The following PTPRQ variants were observed in gnomAD, a reference collection of about 807,000 sequenced individuals.
The protein encoded by PTPRQ is phosphatidylinositol phosphatase PTPRQ.
Under a neutral mutation model 246.0 loss-of-function variants are expected in PTPRQ, and 199 were observed. The observed-to-expected ratio is 0.81, with a 90% CI of 0.72 to 0.91. The LOEUF is 0.91. Ranked by LOEUF, PTPRQ falls within the 40% of genes least tolerant of loss-of-function variation. The probability of loss-of-function intolerance (pLI) is 0.00; values close to 1 mark genes in which losing one functional copy is unlikely to be tolerated. For missense variants in PTPRQ, 2,624 were observed against 2,528.4 expected (o/e 1.04, Z -0.81); for synonymous variants, 869 against 853.2 (o/e 1.02, Z -0.32).
chr12:80,463,360 G>T (rs937902508), intron 6 of PTPRQ, among the ~76,000 whole-genome samples: 39 of 152,190 alleles, frequency 2.6e-4, no homozygotes, highest in African/African-American at 8.4e-4. Context: ...AGAAATACGG[G>T]ACTATGTGAA....
chr12:80,458,750 C>G (rs900582825), intron 4 of PTPRQ, among the ~76,000 whole-genome samples: 1 of 151,780 alleles, frequency 6.6e-6, no homozygotes, highest in African/African-American at 2.4e-5. Flanking sequence ...TATTATTACT[C>G]TATATAATTA....
At chr12:80,526,843 A>C (rs1012840203) in intron 17 of PTPRQ, among the ~76,000 whole-genome samples, 1 of 152,128 alleles carries the variant, frequency 6.6e-6, no homozygotes, top group Non-Finnish European at 1.5e-5. Context: ...TGAGAAATTA[A>C]TGTGGTGATC....
chr12:80,602,101 T>A (rs538934683), intron 26 of PTPRQ, among the ~76,000 whole-genome samples: 2 of 151,746 alleles, frequency 1.3e-5, no homozygotes, highest in African/African-American at 4.8e-5. Context: ...GAGTACGGGG[T>A]GTCAATGTTC....
At chr12:80,447,863 G>A (rs183978561) in intron 3 of PTPRQ, among the ~76,000 whole-genome samples, 2 of 152,114 alleles carry the variant, frequency 1.3e-5, no homozygotes, top group Admixed American at 6.6e-5. Flanking sequence ...TTTTTGCTTA[G>A]GATTGCTTTC....
At chr12:80,499,619 C>T (rs147349280) in intron 14 of PTPRQ, among the ~76,000 whole-genome samples, 178 of 152,014 alleles carry the variant, frequency 1.2e-3, no homozygotes, top group African/African-American at 3.6e-3. Context: ...GATGTGTTAA[C>T]TCAGTGATGT....
Position 80,444,384 on chromosome 12 carries a change from G to A in PTPRQ, c.39G>A (p.Gly13=). The A allele has an allele frequency of 6.8e-7, 1 of 1,474,390 alleles. No homozygotes were observed. Among genetic ancestry groups the A allele is most frequent in the Non-Finnish European group, 9.3e-7 (1 of 1,079,884 alleles). The allele number at this position is 1,474,390 out of a possible 1,614,324, so 91.3% of individuals were successfully genotyped here. ...TCATTTTTCTTTTACTTTTTATTGGGACTTCAGAGACACAGGTATTTCGTA... is the reference window on the plus strand; with the variant it reads ...TCATTTTTCTTTTACTTTTTATTGGAACTTCAGAGACACAGGTATTTCGTA... ...FLIIFLLLFI[G]TSETQVDVSN... Residue 13 remains glycine, a synonymous_variant, in exon 1 of 45, where the codon GGG becomes GGA. Coordinates refer to ENST00000644991, the MANE Select transcript of PTPRQ (RefSeq NM_001145026.2).
At chr12:80,461,042 G>T (rs1357523146) in intron 6 of PTPRQ, 140 bp downstream of exon 6, 2 of 386,616 alleles carry the variant, frequency 5.2e-6, no homozygotes, top group Non-Finnish European at 9.1e-6. Context: ...TCCCATCAAG[G>T]GTTTCTTCGA....
chr12:80,586,104 T>C (rs968116098), intron 25 of PTPRQ, among the ~76,000 whole-genome samples: 3 of 152,000 alleles, frequency 2.0e-5, no homozygotes, highest in African/African-American at 7.3e-5. Context: ...ATGGTGTATA[T>C]GTGCCACATT....
chr12:80,463,899 G>C (rs1893299399), intron 6 of PTPRQ, among the ~76,000 whole-genome samples: 1 of 151,576 alleles, frequency 6.6e-6, no homozygotes, highest in Non-Finnish European at 1.5e-5. Context: ...ACTGGTACCA[G>C]CCGCTGCAAA....
intron 37 of PTPRQ, among the ~76,000 whole-genome samples, chr12:80,651,363 T>C (rs1285557203): frequency 6.6e-6 from 1 of 151,888 alleles, no homozygotes; most frequent in Non-Finnish European, 1.5e-5. Flanking sequence ...TCTGTTTGTA[T>C]ATCAACCAGA....
chr12:80,649,712 C>T (rs746571195), intron 37 of PTPRQ, 43 bp downstream of exon 37: 19 of 1,517,020 alleles, frequency 1.3e-5, no homozygotes, highest in South Asian at 5.2e-5. Flanking sequence ...GACCTCCAGT[C>T]GTTTCATGTG....
At chr12:80,446,269 G>A (rs73143194) in intron 3 of PTPRQ, among the ~76,000 whole-genome samples, 27,779 of 149,866 alleles carry the variant, frequency 0.19, 2,767 homozygotes, top group Middle Eastern at 0.22. Flanking sequence ...GAAAGTCTTC[G>A]TTGAAGGATT....
chr12:80,514,839 A>G (rs945812875), intron 17 of PTPRQ, among the ~76,000 whole-genome samples: 4 of 147,056 alleles, frequency 2.7e-5, no homozygotes, highest in Admixed American at 6.9e-5. Context: ...GCTTTTTCAG[A>G]TAATGGATGA....
chr12:80,616,225 C>A lies in PTPRQ; in HGVS notation c.5189C>A (p.Ala1730Glu), dbSNP rs149643103. The A allele has an allele frequency of 1.0e-5, 15 of 1,489,794 alleles. No homozygotes were observed. The highest frequency in any genetic ancestry group is 1.3e-5 in the Non-Finnish European group (14 of 1,117,446). 92.3% of individuals were successfully genotyped at this position (1,489,794 alleles called of 1,614,324 possible). Residue 1730 changes from alanine (A) to glutamate (E), a missense_variant, in exon 30 of 45, where the codon GCA becomes GAA. Transcript: ENST00000644991. ...GTTTACGCAGTCAATAGTGCTGGTG[C>A]AGGTCCAAAGGTTCCGATGAGAATA... ...ISVYAVNSAG[A>E]GPKVPMRITM...
chr12:80,610,744 C>CA, intron 28 of PTPRQ, 119 bp downstream of exon 28: 1 of 1,251,792 alleles, frequency 8.0e-7, no homozygotes, highest in Non-Finnish European at 1.1e-6. Context: ...AGCATATAAA[C>CA]AAAAAAATTA....
chr12:80,546,830 C>A, intron 24 of PTPRQ, 133 bp downstream of exon 24: 2 of 1,076,566 alleles, frequency 1.9e-6, no homozygotes, highest in Non-Finnish European at 2.6e-6. Flanking sequence ...CAGTGCTTTA[C>A]GTTTAGTCTT....
intron 7 of PTPRQ, 121 bp from the exon 8 acceptor site, chr12:80,471,981 TATA>T: frequency 2.5e-6 from 3 of 1,202,354 alleles, no homozygotes; most frequent in Non-Finnish European, 3.4e-6. Flanking sequence ...GTTTTGATAT[TATA>T]ATAACAAATT....
At chr12:80,575,446 G>A (rs1167719083) in intron 25 of PTPRQ, among the ~76,000 whole-genome samples, 2 of 152,028 alleles carry the variant, frequency 1.3e-5, no homozygotes, top group Non-Finnish European at 1.5e-5. Context: ...AGCCTAGAGT[G>A]GTGGTGTGTG....
At chr12:80,651,461 G>A (rs1900255560) in intron 37 of PTPRQ, among the ~76,000 whole-genome samples, 2 of 152,028 alleles carry the variant, frequency 1.3e-5, no homozygotes, top group South Asian at 4.1e-4. Flanking sequence ...AGGTGTTCCA[G>A]AGACAGGAAA....
Sources: gnomAD v4.1 joint callset for allele counts (sites outside exome capture counted in the v4.1 genomes callset) on GRCh38, gnomAD v4.1.1 for gene constraint, MANE v1.5 for transcripts, NCBI Gene and HGNC (gene_info 2026-07-23, HGNC 2026-07-21) for gene names.